Variants in XIRP2 observed in about 807,000 individuals in gnomAD.
The protein encoded by XIRP2 is xin actin binding repeat containing 2.
XIRP2 carries 236 observed loss-of-function variants against 277.0 expected under a neutral mutation model. The ratio of observed to expected loss-of-function variants is 0.85; its 90% CI spans 0.77 to 0.95. The LOEUF is 0.95. Among genes scored for constraint, XIRP2 ranks in the 40% least tolerant of loss-of-function variants. XIRP2 has a pLI of 0.00. For synonymous variants in XIRP2, 1,490 were observed against 1,416.5 expected, an observed-to-expected ratio of 1.05 and a Z score of -1.17; for missense variants, 4,640 against 4,157.5, an observed-to-expected ratio of 1.12 and a Z score of -3.19.
At chr2:167,157,651 G>C (rs945189905) in intron 3 of XIRP2, among the ~76,000 whole-genome samples, 3 of 152,104 alleles carry the variant, frequency 2.0e-5, no homozygotes, top group Non-Finnish European at 4.4e-5. Context: ...GAGGAATCCA[G>C]AATGCTTGCC....
At chr2:167,156,514 A>G (rs923499661) in intron 3 of XIRP2, among the ~76,000 whole-genome samples, 2 of 152,154 alleles carry the variant, frequency 1.3e-5, no homozygotes, top group Admixed American at 1.3e-4. Context: ...GAATTATTTT[A>G]AAGTATTTCT....
intron 2 of XIRP2, among the ~76,000 whole-genome samples, chr2:166,952,622 A>C (rs1686064763): frequency 6.6e-6 from 1 of 151,996 alleles, no homozygotes; most frequent in African/African-American, 2.4e-5. Flanking sequence ...TGAAATAATA[A>C]ATTATTAGTC....
intron 3 of XIRP2, among the ~76,000 whole-genome samples, chr2:167,196,016 C>T (rs1693494654): frequency 6.6e-6 from 1 of 152,118 alleles, no homozygotes; most frequent in African/African-American, 2.4e-5. Context: ...TAATGTGCTA[C>T]TTTTGCTCCC....
chr2:167,174,696 T>A (rs915050073), intron 3 of XIRP2, among the ~76,000 whole-genome samples: 1 of 152,188 alleles, frequency 6.6e-6, no homozygotes, highest in Non-Finnish European at 1.5e-5. Flanking sequence ...GTTCTTTTAA[T>A]TGTGATGTTA....
chr2:167,056,406 C>A (rs1269314017), intron 2 of XIRP2, among the ~76,000 whole-genome samples: 1 of 152,104 alleles, frequency 6.6e-6, no homozygotes, highest in Admixed American at 6.5e-5. Context: ...CCACATACAC[C>A]TTTAGATACT....
At chr2:167,183,952 A>T (rs183727438) in intron 3 of XIRP2, among the ~76,000 whole-genome samples, 1 of 152,050 alleles carries the variant, frequency 6.6e-6, no homozygotes, top group Admixed American at 6.6e-5. Flanking sequence ...TTTTTTGAGA[A>T]TCCGTGAGAT....
intron 3 of XIRP2, among the ~76,000 whole-genome samples, chr2:167,181,602 C>T (rs1553496397): frequency 1.3e-5 from 2 of 151,802 alleles, no homozygotes; most frequent in Non-Finnish European, 2.9e-5. Flanking sequence ...TTTTTTTTAA[C>T]AAGGAAGCTT....
chr2:166,964,658 C>T (rs1045468147), intron 2 of XIRP2, among the ~76,000 whole-genome samples: 5 of 151,834 alleles, frequency 3.3e-5, no homozygotes, highest in African/African-American at 1.2e-4. Flanking sequence ...TCTTCATAAA[C>T]CAACTGGGCA....
intron 2 of XIRP2, among the ~76,000 whole-genome samples, chr2:166,981,105 G>T (rs1342441588): frequency 6.6e-6 from 1 of 152,058 alleles, no homozygotes; most frequent in African/African-American, 2.4e-5. Flanking sequence ...AAATCTTGTA[G>T]TGTAGAACTA....
At chr2:166,930,820 G>C (rs1166830544) in intron 2 of XIRP2, among the ~76,000 whole-genome samples, 16 of 151,958 alleles carry the variant, frequency 1.1e-4, no homozygotes, top group Non-Finnish European at 7.4e-5. Flanking sequence ...TATTATTTCA[G>C]AACATTCCCA....
intron 5 of XIRP2, among the ~76,000 whole-genome samples, chr2:167,221,032 C>T (rs930378544): frequency 4.6e-5 from 7 of 151,926 alleles, no homozygotes; most frequent in Non-Finnish European, 8.8e-5. Context: ...TAATAATATC[C>T]GATAATTCCA....
chr2:167,087,623 G>T (rs755689222), intron 2 of XIRP2, among the ~76,000 whole-genome samples: 3 of 149,972 alleles, frequency 2.0e-5, no homozygotes, highest in African/African-American at 2.4e-5. Context: ...CTCCGAGCCA[G>T]GTGCGGGATA....
chr2:167,125,718 A>G (rs1262921600), intron 2 of XIRP2, among the ~76,000 whole-genome samples: 2 of 152,184 alleles, frequency 1.3e-5, no homozygotes. Flanking sequence ...ACAATAGGAA[A>G]TATGGTGAGT....
At position 167,249,393 on chromosome 2, in the gene XIRP2, G is replaced by A. The variant is rs1397626482; in HGVS notation, c.8001G>A (p.Met2667Ile). The A allele has an allele frequency of 4.3e-6, 7 of 1,613,596 alleles. No homozygotes were observed. The highest frequency in any genetic ancestry group is 1.7e-6 in the Non-Finnish European group (2 of 1,179,820). The change falls in exon 9 of 11, where the codon ATG (methionine) becomes ATA (isoleucine). Residue 2667 changes from methionine (M) to isoleucine (I), a missense_variant. By Grantham distance (10) the Met-to-Ile change is conservative (BLOSUM62 1). Transcript: ENST00000409195. ...KEVLQSSRDI[M>I]QSKSACEIKQ... The stretch of plus-strand genomic sequence containing the variant: ...TTTTACAAAGCTCAAGGGACATTAT[G>A]CAATCCAAATCAGCTTGCGAAATTA...
At chr2:167,109,495 G>T (rs555258391) in intron 2 of XIRP2, among the ~76,000 whole-genome samples, 95 of 152,256 alleles carry the variant, frequency 6.2e-4, no homozygotes, top group African/African-American at 2.3e-3. Context: ...TGGCCAAGCT[G>T]GTCTTGAACT....
At position 167,251,937 on chromosome 2, in the gene XIRP2, A is replaced by G. The variant is rs1234681951; in HGVS notation, c.10545A>G (p.Ala3515=). 1 of 1,550,750 alleles carries G rather than the reference A, an allele frequency of 6.4e-7. No individual in the cohort carries two copies. The highest frequency in any genetic ancestry group is 8.7e-7 in the Non-Finnish European group (1 of 1,155,782). Residue 3515 remains alanine, a synonymous_variant, in exon 9 of 11, where the codon GCA becomes GCG. Coordinates refer to ENST00000409195, the MANE Select transcript of XIRP2 (RefSeq NM_152381.6). ...GAACCACCTTCCAAGAGGAATCTGC[A>G]TTTATAAGTGGTAAATGAGCTTGCA... ...EMRTTFQEES[A]FISEAAAPRQ... is the part of the protein sequence containing the mutation.
chr2:167,219,962 A>G (rs1255460479), intron 5 of XIRP2, among the ~76,000 whole-genome samples: 1 of 152,234 alleles, frequency 6.6e-6, no homozygotes, highest in Non-Finnish European at 1.5e-5. Context: ...AAGAAATATT[A>G]CAGGTTTACA....
intron 2 of XIRP2, among the ~76,000 whole-genome samples, chr2:166,920,909 C>T (rs910271911): frequency 6.6e-6 from 1 of 152,088 alleles, no homozygotes; most frequent in Non-Finnish European, 1.5e-5. Context: ...AGAGGCCTTA[C>T]TCTTGGAGTA....
At chr2:167,110,650 A>G (rs917993207) in intron 2 of XIRP2, among the ~76,000 whole-genome samples, 1 of 151,846 alleles carries the variant, frequency 6.6e-6, no homozygotes, top group African/African-American at 2.4e-5. Context: ...TGTCTTGGCT[A>G]CTTGGACTTT....
Sources: gnomAD v4.1 joint callset for allele counts (sites outside exome capture counted in the v4.1 genomes callset) on GRCh38, gnomAD v4.1.1 for gene constraint, MANE v1.5 for transcripts, NCBI Gene and HGNC (gene_info 2026-07-23, HGNC 2026-07-21) for gene names.